RS1: variants seen among roughly 807,000 people sequenced by gnomAD.
The protein encoded by RS1 is retinoschisin.
RS1 carries 2 observed loss-of-function variants against 20.8 expected under a neutral mutation model. The ratio of observed to expected loss-of-function variants is 0.10; its 90% confidence interval spans 0.04 to 0.30. The LOEUF (loss-of-function observed/expected upper bound fraction) is 0.30. Ranked by LOEUF, RS1 falls within the 10% of genes least tolerant of loss-of-function variation. The pLI is 1.00. For synonymous variants in RS1, 70 were observed against 75.8 expected (o/e 0.92, Z 0.40); for missense variants, 151 against 189.8 (o/e 0.80, Z 1.20).
rs139047348 is a variant in RS1 at position 18,653,296 on chromosome X, A to G, written c.184+3357T>C. The G allele has an allele frequency of 1.1e-3, 1,240 of 1,107,472 alleles. 11 individuals are homozygous for G. In the African/African-American group the frequency reaches 0.021, roughly 19 times the overall value. 91.3% of individuals were successfully genotyped at this position (1,107,472 alleles called of 1,213,427 possible). On this transcript the variant is annotated intron_variant, in intron 3 of 5. Transcript: ENST00000379984. ...AGACAGAGCTTTTAGTATTTTTAAT[A>G]GCATTAAAGTGAAGATTAGGAGGCC... is the stretch of plus-strand genomic sequence containing the variant.
intron 3 of RS1, among the ~76,000 whole-genome samples, chrX:18,648,743 C>T (rs1927899147): frequency 8.9e-6 from 1 of 111,823 alleles, no homozygotes; most frequent in African/African-American, 3.2e-5. Flanking sequence ...GCCTAGATCA[C>T]ATCTGATAGT....
At chrX:18,667,697 G>C (rs1375685394) in intron 1 of RS1, among the ~76,000 whole-genome samples, 1 of 111,475 alleles carries the variant, frequency 9.0e-6, no homozygotes, top group Non-Finnish European at 1.9e-5. Context: ...CTGTTGAGCT[G>C]TCACTGAGCA....
chrX:18,652,886 C>T (rs951438945), intron 3 of RS1, among the ~76,000 whole-genome samples: 3 of 112,386 alleles, frequency 2.7e-5, no homozygotes, highest in Admixed American at 1.9e-4. Flanking sequence ...ATGTTACCAG[C>T]CCAAGGCTGT....
At chrX:18,655,679 G>C (rs966519641) in intron 3 of RS1, among the ~76,000 whole-genome samples, 1 of 111,849 alleles carries the variant, frequency 8.9e-6, no homozygotes, top group Non-Finnish European at 1.9e-5. Flanking sequence ...TTGAGTGCCA[G>C]CCCTTCAGTG....
rs1219845471 is a variant in RS1, at chrX:18,641,095, GA to G, written c.*908del. The G allele has an allele frequency of 2.7e-5, 3 of 112,669 alleles. No individual in the cohort carries two copies. Among genetic ancestry groups the G allele is most frequent in the Non-Finnish European group, 5.6e-5 (3 of 53,285 alleles). The allele number at this position is 112,669 out of a possible 1,213,427, so 9.3% of individuals were successfully genotyped here. On this transcript the variant is annotated 3_prime_UTR_variant, in exon 6 of 6. Coordinates refer to ENST00000379984, the MANE Select transcript of RS1 (RefSeq NM_000330.4). ...TGTAGCCAGCTAATGAGCCTCCTCT[GA>G]GTAGCCAGTGGTAGCTCCTGGGCCA...
Position 18,647,235 on chromosome X carries a change from A to C in RS1, c.282T>G (p.Ser94=), listed in dbSNP as rs1927817828. Residue 94 remains serine, a synonymous_variant, in exon 4 of 6, where the codon TCT becomes TCG. Transcript: ENST00000379984. ...SNPEQYVGWY[S]SWTANKARLN... ...GCCGGGCCTTGTTTGCAGTCCACGA[A>C]GAATACCAGCCCACATACTGCTCCG... is the stretch of plus-strand genomic sequence containing the variant. 1 of 1,208,854 alleles carries C rather than the reference A, an allele frequency of 8.3e-7. No homozygotes were observed. Among genetic ancestry groups the C allele is most frequent in the African/African-American group, 1.8e-5 (1 of 56,812 alleles).
In RS1 at chrX:18,656,649, T is replaced by C. The variant is rs746121682; in HGVS notation, c.184+4A>G. 8.4e-7 allele frequency: 1 copy of C among 1,187,103 alleles called. No individual in the cohort carries two copies. Among genetic ancestry groups the C allele is most frequent in the Admixed American group, 2.2e-5 (1 of 45,956 alleles). On this transcript the variant is annotated splice_donor_region_variant and intron_variant, in intron 3 of 5. Transcript: ENST00000379984. ...GTTCCATCCCAAGGACAGGGGATAC[T>C]CACCTGGTATACAGTCCAAGGAGGT...
rs751066826 is a variant in RS1, at chrX:18,665,142, C to A, written c.52+6875G>T. ...ATCCTATGGCCACCAGGGGCTTTCT[C>A]TCCTCTCCATCCCACTGCCTGCTTT... On this transcript the variant is annotated intron_variant, in intron 1 of 5. Coordinates refer to ENST00000379984, the MANE Select transcript of RS1 (RefSeq NM_000330.4). Among the ~76,000 whole-genome samples, 9 of 112,154 alleles carry A rather than the reference C, an allele frequency of 8.0e-5. No individual in the cohort carries two copies. In the South Asian group the frequency reaches 3.4e-3, roughly 42 times the overall value.
intron 1 of RS1, among the ~76,000 whole-genome samples, chrX:18,662,467 A>G (rs1928329306): frequency 9.1e-6 from 1 of 110,085 alleles, no homozygotes; most frequent in Admixed American, 9.7e-5. Flanking sequence ...CCACCCCACG[A>G]CAGGCCCCAG....
rs539238962 is a variant in RS1 at position 18,643,673 on chromosome X, C to A, written c.522+757G>T. 8.0e-5 allele frequency among the ~76,000 whole-genome samples: 9 copies of A among 112,038 alleles called. No homozygotes were observed. In the South Asian group the frequency reaches 3.0e-3, roughly 38 times the overall value. On this transcript the variant is annotated intron_variant, in intron 5 of 5. Transcript: ENST00000379984. ...ACGTCTTGGCCGTACAAATTGTCAT[C>A]AGAGACTTACAAAGCCTTCTGAATC...
Position 18,656,982 on chromosome X carries a change from C to G in RS1, c.79-224G>C, listed in dbSNP as rs777730781. Among the ~76,000 whole-genome samples the G allele has an allele frequency of 2.7e-5, 3 of 111,179 alleles. No homozygotes were observed. The South Asian group carries it at 1.1e-3, about 42-fold the overall frequency. On this transcript the variant is annotated intron_variant, in intron 2 of 5. Coordinates refer to ENST00000379984, the MANE Select transcript of RS1 (RefSeq NM_000330.4). Reference sequence around the variant, plus strand: ...CCTGGGCGACCAACTAATAATCTCACAGATACACCCATCTAGAGGGCACCG... The same window carrying G: ...CCTGGGCGACCAACTAATAATCTCAGAGATACACCCATCTAGAGGGCACCG...
intron 3 of RS1, among the ~76,000 whole-genome samples, chrX:18,652,538 T>TG (rs1928096160): frequency 9.0e-6 from 1 of 111,283 alleles, no homozygotes; most frequent in African/African-American, 3.3e-5. Flanking sequence ...GCGCAGTGGT[T>TG]GGCACCTGTA....
At chrX:18,654,021 A>G (rs747631124) in intron 3 of RS1, among the ~76,000 whole-genome samples, 1 of 111,240 alleles carries the variant, frequency 9.0e-6, no homozygotes, top group African/African-American at 3.3e-5. Flanking sequence ...TAGTGGAGAG[A>G]GGAGAACACT....
rs1927987162 is a variant in RS1, at chrX:18,650,548, A to G, written c.185-3216T>C. On this transcript the variant is annotated intron_variant, in intron 3 of 5. Coordinates refer to ENST00000379984, the MANE Select transcript of RS1 (RefSeq NM_000330.4). The stretch of plus-strand genomic sequence containing the variant: ...GGCACTTCCATGTGCCCGACACTCC[A>G]GGTCCGAGGCACTGATGCTTTCAGC... 9 of 1,210,777 alleles carry G rather than the reference A, an allele frequency of 7.4e-6. No individual in the cohort carries two copies. Among genetic ancestry groups the G allele is most frequent in the Non-Finnish European group, 1.0e-5 (9 of 895,354 alleles).
chrX:18,647,585 C>G, intron 3 of RS1: 1 of 385,911 alleles, frequency 2.6e-6, no homozygotes, highest in Admixed American at 4.3e-5. Flanking sequence ...GGAAGTGGCT[C>G]TATGGCAACT....
intron 5 of RS1, 114 bp downstream of exon 5, chrX:18,644,316 C>G (rs961316145): frequency 7.6e-6 from 5 of 656,145 alleles, no homozygotes; most frequent in East Asian, 3.2e-5. Context: ...CGCAGATGAT[C>G]CACTGTGCTG....
At chrX:18,651,262 T>TGA (rs1338222386) in intron 3 of RS1, among the ~76,000 whole-genome samples, 394 of 77,725 alleles carry the variant, frequency 5.1e-3, no homozygotes, top group Middle Eastern at 0.022. Context: ...TGTGTGTGTG[T>TGA]GTGAGAGAGA....
At chrX:18,664,109 G>A (rs1419981556) in intron 1 of RS1, among the ~76,000 whole-genome samples, 1 of 112,174 alleles carries the variant, frequency 8.9e-6, no homozygotes, top group Non-Finnish European at 1.9e-5. Flanking sequence ...AAAAACATGT[G>A]CTAGATGATC....
chrX:18,641,949 C>T lies in RS1; in HGVS notation c.*55G>A, dbSNP rs1257138913. On this transcript the variant is annotated 3_prime_UTR_variant, in exon 6 of 6. Coordinates refer to ENST00000379984, the MANE Select transcript of RS1 (RefSeq NM_000330.4). ...TCTCGGTGGTGTGTGAGGGGGTCCC[C>T]TACGGCCCGCTCTGTGCCAGTCACC... is the stretch of plus-strand genomic sequence containing the variant. The T allele has an allele frequency of 8.5e-7, 1 of 1,176,474 alleles. No individual in the cohort carries two copies. Among genetic ancestry groups the T allele is most frequent in the Non-Finnish European group, 1.1e-6 (1 of 876,086 alleles).
Sources: gnomAD v4.1 joint callset for allele counts (sites outside exome capture counted in the v4.1 genomes callset) on GRCh38, gnomAD v4.1.1 for gene constraint, MANE v1.5 for transcripts, NCBI Gene and HGNC (gene_info 2026-07-23, HGNC 2026-07-21) for gene names.